Variants in MYO1B observed in about 807,000 individuals in gnomAD.
MYO1B encodes unconventional myosin-Ib.
MYO1B carries 72 observed loss-of-function variants against 159.7 expected under a neutral mutation model. The ratio of observed to expected loss-of-function variants is 0.45; its 90% confidence interval spans 0.37 to 0.55. The LOEUF (loss-of-function observed/expected upper bound fraction) is 0.55, where lower values mean the gene tolerates loss of function less well. Ranked by LOEUF, MYO1B falls within the 20% of genes least tolerant of loss-of-function variation. The probability of loss-of-function intolerance (pLI) is 0.00; values close to 1 mark genes in which losing one functional copy is unlikely to be tolerated. For synonymous variants in MYO1B, 468 were observed against 473.8 expected (o/e 0.99, Z 0.16); for missense variants, 1,062 against 1,364.8 (o/e 0.78, Z 3.50).
chr2:191,345,986 G>C (rs544816126), intron 5 of MYO1B, among the ~76,000 whole-genome samples: 1 of 152,278 alleles, frequency 6.6e-6, no homozygotes, highest in Non-Finnish European at 1.5e-5. Flanking sequence ...TAAGTTTACA[G>C]TAATACTTGA....
rs759072586 is a variant in MYO1B at position 191,396,501 on chromosome 2, A to G, written c.2295+4A>G. The G allele has an allele frequency of 6.2e-7, 1 of 1,613,812 alleles. No homozygotes were observed. Among genetic ancestry groups the G allele is most frequent in the Non-Finnish European group, 8.5e-7 (1 of 1,179,842 alleles). The stretch of plus-strand genomic sequence containing the variant: ...GTCTTATATCCGGGGTTGGAAGGTG[A>G]GTTTAAAAGAAGTATGCTTTATTTA... On this transcript the variant is annotated splice_donor_region_variant and intron_variant, in intron 21 of 30. Transcript: ENST00000392318.
chr2:191,278,857 G>A (rs970460383), intron 2 of MYO1B, among the ~76,000 whole-genome samples: 2 of 152,176 alleles, frequency 1.3e-5, no homozygotes, highest in African/African-American at 2.4e-5. Context: ...TCTTTGAGAT[G>A]GAGATAGGCA....
In MYO1B at chr2:191,327,899, T is replaced by C. The variant is rs548634458; in HGVS notation, c.252-2036T>C. Among the ~76,000 whole-genome samples, 198 of 152,342 alleles carry C rather than the reference T, an allele frequency of 1.3e-3. 5 individuals are homozygous for C. The highest frequency in any genetic ancestry group is 0.013 in the Admixed American group (198 of 15,302). Reference sequence around the variant, plus strand: ...CTTAGAGTATACAGTACTTATTATATGCAAGGCAGCAGACTCACTGATATG... The same window carrying C: ...CTTAGAGTATACAGTACTTATTATACGCAAGGCAGCAGACTCACTGATATG... On this transcript the variant is annotated intron_variant, in intron 3 of 30. Transcript: ENST00000392318.
chr2:191,252,073 A>G (rs948524306), intron 1 of MYO1B, among the ~76,000 whole-genome samples: 6 of 152,228 alleles, frequency 3.9e-5, no homozygotes, highest in Non-Finnish European at 5.9e-5. Context: ...TATTCATTTT[A>G]GACCCACAGT....
chr2:191,330,908 C>T (rs547971835), intron 4 of MYO1B, among the ~76,000 whole-genome samples: 1 of 152,186 alleles, frequency 6.6e-6, no homozygotes, highest in Non-Finnish European at 1.5e-5. Context: ...AACATTTACA[C>T]ATTTTGAGTT....
At position 191,424,083 on chromosome 2, in the gene MYO1B, A is replaced by G; in HGVS notation, c.*123A>G. 1 of 1,157,206 alleles carries G rather than the reference A, an allele frequency of 8.6e-7. No homozygotes were observed. The highest frequency in any genetic ancestry group is 2.4e-5 in the East Asian group (1 of 42,356). 71.7% of individuals were successfully genotyped at this position (1,157,206 alleles called of 1,614,324 possible). On this transcript the variant is annotated 3_prime_UTR_variant, in exon 31 of 31. Transcript: ENST00000392318. The stretch of plus-strand genomic sequence containing the variant: ...AAGGCTTTTAGAGTTCTTTGGCAAA[A>G]TAAAAATATTTGACTAATCAATTTT...
intron 3 of MYO1B, among the ~76,000 whole-genome samples, chr2:191,299,233 CAAGGAA>C (rs978578661): frequency 1.3e-5 from 2 of 152,124 alleles, no homozygotes; most frequent in African/African-American, 4.8e-5. Flanking sequence ...CCCTCACCCC[CAAGGAA>C]AAGAACCACC....
At chr2:191,306,419 A>G (rs12988037) in intron 3 of MYO1B, among the ~76,000 whole-genome samples, 57,470 of 151,938 alleles carry the variant, frequency 0.38, 11,045 homozygotes, top group Middle Eastern at 0.52. Context: ...CAGATGAGGT[A>G]GAAGAGGAAG....
At chr2:191,370,396 A>C in intron 13 of MYO1B, 104 bp downstream of exon 13, 2 of 779,190 alleles carry the variant, frequency 2.6e-6, no homozygotes, top group Non-Finnish European at 4.3e-6. Flanking sequence ...CTTTGAATCT[A>C]CAAATAATCC....
At chr2:191,302,723 G>A (rs933895980) in intron 3 of MYO1B, among the ~76,000 whole-genome samples, 4 of 152,134 alleles carry the variant, frequency 2.6e-5, no homozygotes, top group Non-Finnish European at 5.9e-5. Flanking sequence ...ATTACCTTAG[G>A]CATTGCAGTC....
intron 2 of MYO1B, among the ~76,000 whole-genome samples, chr2:191,280,345 T>C (rs1351536919): frequency 2.0e-5 from 3 of 152,216 alleles, no homozygotes; most frequent in African/African-American, 7.2e-5. Context: ...CAGAAGTCAT[T>C]CTGCTTTCAC....
chr2:191,313,901 C>T (rs1363455658), intron 3 of MYO1B, among the ~76,000 whole-genome samples: 2 of 152,194 alleles, frequency 1.3e-5, no homozygotes, highest in African/African-American at 4.8e-5. Context: ...CACATGGGCC[C>T]AGCCTAACTG....
chr2:191,320,048 G>A (rs1690601203), intron 3 of MYO1B, among the ~76,000 whole-genome samples: 1 of 152,092 alleles, frequency 6.6e-6, no homozygotes, highest in Admixed American at 6.5e-5. Context: ...GTAAGGAAAG[G>A]GTGACTTTGG....
chr2:191,248,105 C>T (rs942941831), intron 1 of MYO1B: 2 of 780,512 alleles, frequency 2.6e-6, no homozygotes, highest in South Asian at 5.8e-5. Flanking sequence ...CTTCTACCTC[C>T]CTTCTACTGT....
chr2:191,284,608 A>G (rs955852448), intron 2 of MYO1B, among the ~76,000 whole-genome samples: 5 of 151,752 alleles, frequency 3.3e-5, no homozygotes, highest in Non-Finnish European at 5.9e-5. Flanking sequence ...ATCCAGAATC[A>G]CTTTTTTTTT....
At chr2:191,251,505 AGCTTAAGAGAG>A (rs1686115058) in intron 1 of MYO1B, among the ~76,000 whole-genome samples, 1 of 152,250 alleles carries the variant, frequency 6.6e-6, no homozygotes, top group African/African-American at 2.4e-5. Flanking sequence ...TTTCCTTGAT[AGCTTAAGAGAG>A]GCTTAAGAGG....
rs150301581 is a variant in MYO1B at position 191,254,198 on chromosome 2, T to A, written c.-10+8572T>A. On this transcript the variant is annotated intron_variant, in intron 1 of 30. Transcript: ENST00000392318. ...TAGCCTTTATTGAAAATGTCATAAT[T>A]CACTTTATTTTTATTTATTTATTTA... Among the ~76,000 whole-genome samples the A allele has an allele frequency of 6.1e-3, 932 of 152,262 alleles. 9 individuals carry two copies. The highest frequency in any genetic ancestry group is 0.021 in the African/African-American group (879 of 41,552).
intron 13 of MYO1B, among the ~76,000 whole-genome samples, chr2:191,376,679 A>G (rs938764132): frequency 6.6e-6 from 1 of 152,228 alleles, no homozygotes; most frequent in African/African-American, 2.4e-5. Context: ...ATATGTAATT[A>G]ACATAAGCCA....
At chr2:191,259,796 T>C (rs1686684263) in intron 1 of MYO1B, among the ~76,000 whole-genome samples, 1 of 152,150 alleles carries the variant, frequency 6.6e-6, no homozygotes, top group African/African-American at 2.4e-5. Flanking sequence ...CCCTAGTTTC[T>C]GGCTTGTGTG....
Sources: gnomAD v4.1 joint callset for allele counts (sites outside exome capture counted in the v4.1 genomes callset) on GRCh38, gnomAD v4.1.1 for gene constraint, MANE v1.5 for transcripts, NCBI Gene and HGNC (gene_info 2026-07-23, HGNC 2026-07-21) for gene names.